Variants in KCNC2 observed in about 807,000 individuals in gnomAD.
KCNC2 encodes potassium voltage-gated channel subfamily C member 2, also known as voltage-gated potassium channel KCNC2.
In KCNC2, 21 loss-of-function variants were observed where a neutral mutation model predicts 44.5. The observed-to-expected ratio is 0.47, with a 90% CI of 0.33 to 0.68. The LOEUF is 0.68. KCNC2 is among the 30% of genes least tolerant of loss of function. The pLI is 0.01. For synonymous variants in KCNC2, 391 were observed against 339.1 expected (o/e 1.15, Z -1.68); for missense variants, 589 against 826.2 (o/e 0.71, Z 3.52).
At chr12:75,132,382 G>C (rs1307852856) in intron 2 of KCNC2, among the ~76,000 whole-genome samples, 1 of 152,134 alleles carries the variant, frequency 6.6e-6, no homozygotes, top group Admixed American at 6.6e-5. Flanking sequence ...TTAGTTAAAT[G>C]AATAGATATG....
intron 2 of KCNC2, among the ~76,000 whole-genome samples, chr12:75,108,252 T>C (rs1886945456): frequency 6.6e-6 from 1 of 152,344 alleles, no homozygotes. Context: ...ATATGCACTA[T>C]ACTAATGTGT....
chr12:75,178,461 T>G (rs541761781), intron 2 of KCNC2, among the ~76,000 whole-genome samples: 1 of 152,184 alleles, frequency 6.6e-6, no homozygotes, highest in Non-Finnish European at 1.5e-5. Flanking sequence ...CTGAAGGCAG[T>G]GTGTAAAGTT....
In KCNC2 at chr12:75,183,541, T is replaced by C. The variant is rs373665832; in HGVS notation, c.687+23756A>G. On this transcript the variant is annotated intron_variant, in intron 2 of 4. Coordinates refer to ENST00000549446, the MANE Select transcript of KCNC2 (RefSeq NM_139137.4). The stretch of plus-strand genomic sequence containing the variant: ...GAAAGTCCTGGGAATGACAATACCC[T>C]GGAAATGAAAGCAAACTTTACATTC... 9.8e-4 allele frequency among the ~76,000 whole-genome samples: 149 copies of C among 152,328 alleles called. 2 individuals are homozygous for C. In the South Asian group the frequency reaches 0.029, roughly 30 times the overall value.
intron 2 of KCNC2, among the ~76,000 whole-genome samples, chr12:75,078,691 A>T (rs1274585915): frequency 6.6e-6 from 1 of 152,186 alleles, no homozygotes; most frequent in African/African-American, 2.4e-5. Flanking sequence ...CATAGATAAT[A>T]GGTGGTAGAA....
chr12:75,132,143 A>G (rs1315835639), intron 2 of KCNC2, among the ~76,000 whole-genome samples: 1 of 152,154 alleles, frequency 6.6e-6, no homozygotes, highest in Non-Finnish European at 1.5e-5. Context: ...AATTAATAAA[A>G]GCAATATACC....
intron 2 of KCNC2, among the ~76,000 whole-genome samples, chr12:75,053,594 T>C (rs766344656): frequency 2.6e-5 from 4 of 151,912 alleles, no homozygotes; most frequent in Non-Finnish European, 5.9e-5. Flanking sequence ...CACACCATGA[T>C]TTTGTATTTG....
At chr12:75,186,258 C>T (rs1389626198) in intron 2 of KCNC2, among the ~76,000 whole-genome samples, 1 of 152,004 alleles carries the variant, frequency 6.6e-6, no homozygotes, top group Non-Finnish European at 1.5e-5. Context: ...AAGAAATACA[C>T]AGGGCTCTCC....
chr12:75,078,365 T>C (rs1341362554), intron 2 of KCNC2, among the ~76,000 whole-genome samples: 1 of 152,198 alleles, frequency 6.6e-6, no homozygotes, highest in Non-Finnish European at 1.5e-5. Flanking sequence ...AACTCATGTG[T>C]TTCAACATTC....
chr12:75,067,010 C>T (rs1489965119), intron 2 of KCNC2, among the ~76,000 whole-genome samples: 1 of 152,102 alleles, frequency 6.6e-6, no homozygotes, highest in African/African-American at 2.4e-5. Context: ...CGAGACCAGC[C>T]TGGGCTACAT....
At chr12:75,066,150 C>T (rs913237914) in intron 2 of KCNC2, among the ~76,000 whole-genome samples, 24 of 152,120 alleles carry the variant, frequency 1.6e-4, no homozygotes, top group Middle Eastern at 3.4e-3. Context: ...CTGATTATTT[C>T]ATTTATTTAG....
chr12:75,198,389 GT>G (rs2030956580), intron 2 of KCNC2, among the ~76,000 whole-genome samples: 1 of 151,892 alleles, frequency 6.6e-6, no homozygotes, highest in Admixed American at 6.6e-5. Context: ...TTTCGATTCT[GT>G]TTGTACAGAG....
rs984528114 is a variant in KCNC2, at chr12:75,041,772, C to T, written c.*1333G>A. 1.3e-4 allele frequency: 126 copies of T among 991,398 alleles called. No homozygotes were observed. Among genetic ancestry groups the T allele is most frequent in the Non-Finnish European group, 1.5e-4 (125 of 833,402 alleles). The allele number at this position is 991,398 out of a possible 1,614,324, so 61.4% of individuals were successfully genotyped here. On this transcript the variant is annotated 3_prime_UTR_variant, in exon 5 of 5. Coordinates refer to ENST00000549446, the MANE Select transcript of KCNC2 (RefSeq NM_139137.4). ...TTAAACCCTGCTTATCAAAAAGATTCACAGTGCCGATTAACTTAGGTAGTC... is the reference window on the plus strand; with the variant it reads ...TTAAACCCTGCTTATCAAAAAGATTTACAGTGCCGATTAACTTAGGTAGTC...
chr12:75,178,812 T>C (rs1164516400), intron 2 of KCNC2, among the ~76,000 whole-genome samples: 1 of 152,102 alleles, frequency 6.6e-6, no homozygotes, highest in Non-Finnish European at 1.5e-5. Context: ...AGCAAGTAGT[T>C]CAGGGTTAAG....
intron 2 of KCNC2, among the ~76,000 whole-genome samples, chr12:75,067,472 T>C (rs981160910): frequency 2.2e-4 from 33 of 152,168 alleles, no homozygotes; most frequent in African/African-American, 5.8e-4. Context: ...ATGACAGATA[T>C]GAACAGTCCT....
chr12:75,123,257 A>G lies in KCNC2; in HGVS notation c.688-71940T>C, dbSNP rs1029508537. 3.9e-5 allele frequency among the ~76,000 whole-genome samples: 6 copies of G among 152,170 alleles called. No homozygotes were observed. The South Asian group carries it at 6.2e-4, about 16-fold the overall frequency. ...TTTACTGCATAGATTAAGCCTAAAG[A>G]CTCAGCTAGTTTAATTGGCTTAGAA... On this transcript the variant is annotated intron_variant, in intron 2 of 4. Transcript: ENST00000549446.
At position 75,086,883 on chromosome 12, in the gene KCNC2, T is replaced by A. The variant is rs935326733; in HGVS notation, c.688-35566A>T. ...ACTCAACTAGGAAACTGGAGTTGAA[T>A]AGCTATGACATATTTTTACAATGTT... is the stretch of plus-strand genomic sequence containing the variant. On this transcript the variant is annotated intron_variant, in intron 2 of 4. Coordinates refer to ENST00000549446, the MANE Select transcript of KCNC2 (RefSeq NM_139137.4). 5.3e-5 allele frequency among the ~76,000 whole-genome samples: 8 copies of A among 151,828 alleles called. No individual in the cohort carries two copies. In the South Asian group the frequency reaches 8.3e-4, roughly 16 times the overall value.
chr12:75,122,044 C>A (rs12298691), intron 2 of KCNC2, among the ~76,000 whole-genome samples: 1 of 151,928 alleles, frequency 6.6e-6, no homozygotes, highest in Non-Finnish European at 1.5e-5. Flanking sequence ...AGTGACCTAG[C>A]CAAAGTACTT....
chr12:75,081,434 TGCCC>T (rs1884501564), intron 2 of KCNC2, among the ~76,000 whole-genome samples: 1 of 146,596 alleles, frequency 6.8e-6, no homozygotes, highest in Non-Finnish European at 1.5e-5. Flanking sequence ...TTGCCTTTGA[TGCCC>T]TTGTGGCTGA....
chr12:75,162,400 C>G (rs1210122671), intron 2 of KCNC2, among the ~76,000 whole-genome samples: 1 of 151,758 alleles, frequency 6.6e-6, no homozygotes. Context: ...CTATGACATA[C>G]TGAGTCATCA....
Sources: gnomAD v4.1 joint callset for allele counts (sites outside exome capture counted in the v4.1 genomes callset) on GRCh38, gnomAD v4.1.1 for gene constraint, MANE v1.5 for transcripts, NCBI Gene and HGNC (gene_info 2026-07-23, HGNC 2026-07-21) for gene names.